LRTM3: variants seen among roughly 807,000 people sequenced by gnomAD.
The protein encoded by LRTM3 is leucine rich repeat transmembrane protein 3, also known as leucine-rich repeat transmembrane protein 3.
At chr13:102,731,686 T>C in the LRTM3 span, 1 of 1,551,404 alleles carries the variant, frequency 6.4e-7, no homozygotes, top group East Asian at 2.4e-5. Context: ...GTAAATGTTC[T>C]GCATTTGTAC....
chr13:102,747,313 C>T, the LRTM3 span: 3 of 1,549,728 alleles, frequency 1.9e-6, no homozygotes, highest in East Asian at 2.4e-5. Context: ...TTTTATCTTG[C>T]AGTATCTGTT....
At chr13:102,745,192 C>T in the LRTM3 span, 1 of 1,550,792 alleles carries the variant, frequency 6.4e-7, no homozygotes, top group Non-Finnish European at 8.7e-7. Flanking sequence ...CTGAACGGAA[C>T]ATGAAATGTT....
the LRTM3 span, among the ~76,000 whole-genome samples, chr13:102,752,410 GAGGCTACACTTCCC>G: frequency 6.6e-6 from 1 of 152,048 alleles, no homozygotes; most frequent in African/African-American, 2.4e-5. Context: ...CTTCTGACAG[GAGGCTACACTTCCC>G]AGTCTGTCAG....
the LRTM3 span, chr13:102,740,288 T>A: frequency 6.5e-7 from 1 of 1,550,186 alleles, no homozygotes; most frequent in Non-Finnish European, 8.7e-7. Context: ...TGAATCTTGT[T>A]TTTTCATCTG....
the LRTM3 span, chr13:102,737,724 C>T: frequency 1.4e-4 from 212 of 1,550,460 alleles, 1 homozygote; most frequent in South Asian, 7.6e-4. Flanking sequence ...ACTTCACTTG[C>T]GCTATCACCC....
chr13:102,730,777 T>A, the LRTM3 span: 2 of 1,551,622 alleles, frequency 1.3e-6, no homozygotes, highest in East Asian at 4.9e-5. Context: ...GTTTGGGAAG[T>A]ACATTTGGCT....
At chr13:102,737,482 C>T in the LRTM3 span, 1 of 1,550,516 alleles carries the variant, frequency 6.4e-7, no homozygotes, top group Non-Finnish European at 8.7e-7. Context: ...CTTGCTGTTG[C>T]TCTTCAGTTT....
At chr13:102,747,817 TG>T in the LRTM3 span, 4 of 1,551,296 alleles carry the variant, frequency 2.6e-6, no homozygotes, top group Non-Finnish European at 3.5e-6. Context: ...AAAGAGTTTG[TG>T]GTTGGACTTC....
chr13:102,736,606 A>G, the LRTM3 span: 1 of 1,551,074 alleles, frequency 6.4e-7, no homozygotes. Context: ...AAGAAGTGAC[A>G]AAAGGACAAG....
the LRTM3 span, chr13:102,741,195 G>T: frequency 1.3e-6 from 2 of 1,549,420 alleles, no homozygotes; most frequent in Non-Finnish European, 1.7e-6. Flanking sequence ...TCCATTTTCT[G>T]TCTATTTGAT....
the LRTM3 span, chr13:102,744,804 T>C: frequency 6.4e-7 from 1 of 1,550,828 alleles, no homozygotes; most frequent in Non-Finnish European, 8.7e-7. Flanking sequence ...TCAGTCAAAT[T>C]GGCCTTCTGT....
the LRTM3 span, chr13:102,750,271 T>G: frequency 6.4e-7 from 1 of 1,550,910 alleles, no homozygotes; most frequent in Non-Finnish European, 8.7e-7. Context: ...GATCTTCACT[T>G]TCACTAGTAC....
the LRTM3 span, chr13:102,744,507 G>T: frequency 6.4e-7 from 1 of 1,550,512 alleles, no homozygotes; most frequent in Non-Finnish European, 8.7e-7. Flanking sequence ...TGCATATGAG[G>T]ACTTTGTTTC....
chr13:102,734,642 T>C, the LRTM3 span: 10 of 1,550,982 alleles, frequency 6.4e-6, no homozygotes, highest in Admixed American at 2.0e-5. Flanking sequence ...TTTTGGGATA[T>C]CACCAACGAC....
chr13:102,737,625 CT>C, the LRTM3 span: 2 of 1,550,558 alleles, frequency 1.3e-6, no homozygotes, highest in Non-Finnish European at 1.7e-6. Flanking sequence ...CCTTTCAGAT[CT>C]TTGTCTTCTG....
the LRTM3 span, chr13:102,741,230 T>G: frequency 5.8e-6 from 9 of 1,550,388 alleles, no homozygotes; most frequent in Non-Finnish European, 7.0e-6. Context: ...CAACTTTGAT[T>G]GCTCTTTTCC....
chr13:102,755,764 T>A, the LRTM3 span, among the ~76,000 whole-genome samples: 1 of 147,026 alleles, frequency 6.8e-6, no homozygotes, highest in Non-Finnish European at 1.5e-5. Flanking sequence ...GTATCCTGGT[T>A]TTTTTTTTTA....
At chr13:102,735,513 C>T in the LRTM3 span, 1 of 1,551,020 alleles carries the variant, frequency 6.4e-7, no homozygotes, top group Non-Finnish European at 8.7e-7. Flanking sequence ...TTATTTTTAT[C>T]TTCCTGAATC....
chr13:102,733,857 CTGCT>C, the LRTM3 span: 2 of 1,551,238 alleles, frequency 1.3e-6, no homozygotes, highest in Admixed American at 3.9e-5. Context: ...ACATACTGTT[CTGCT>C]TGCTTAACAA....
Sources: allele counts gnomAD v4.1 joint callset (sites outside exome capture counted in the v4.1 genomes callset), GRCh38; gene constraint gnomAD v4.1.1; transcripts MANE v1.5; gene names NCBI Gene and HGNC (gene_info 2026-07-23, HGNC 2026-07-21).